Variants in DST observed in about 807,000 individuals in gnomAD.
DST encodes the protein bullous pemphigoid antigen.
In DST, 253 loss-of-function variants were observed where a neutral mutation model predicts 875.2. The ratio of observed to expected loss-of-function variants is 0.29; its 90% CI spans 0.26 to 0.32. The LOEUF (loss-of-function observed/expected upper bound fraction) is 0.32. Among genes scored for constraint, DST ranks in the 10% least tolerant of loss-of-function variants. DST has a pLI of 1.00. For missense variants in DST, 8,287 were observed against 9,111.6 expected (o/e 0.91, Z 3.68); for synonymous variants, 3,124 against 3,197.1 (o/e 0.98, Z 0.77).
At chr6:56,546,397 A>G (rs1162913986) in intron 61 of DST, among the ~76,000 whole-genome samples, 1 of 123,216 alleles carries the variant, frequency 8.1e-6, no homozygotes, top group Non-Finnish European at 1.7e-5. Context: ...TATAAATGTC[A>G]AAAAGTTCAT....
chr6:56,497,899 T>C lies in DST; in HGVS notation c.20051A>G (p.Lys6684Arg), dbSNP rs779809553. 1.2e-6 allele frequency: 2 copies of C among 1,613,102 alleles called. No individual in the cohort carries two copies. Among genetic ancestry groups the C allele is most frequent in the East Asian group, 2.2e-5 (1 of 44,870 alleles). Residue 6684 changes from lysine to arginine, a missense_variant, in exon 81 of 104, where the codon AAA (lysine) becomes AGA (arginine). Transcript: ENST00000680361. ...LNQRWQNVLE[K>R]TEQRKQQLDG... ...CAGCTGCTGCTTCCTTTGTTCTGTT[T>C]TTTCCAAAACATTTTGCCAGCGTTG...
intron 4 of DST, among the ~76,000 whole-genome samples, chr6:56,745,500 T>C (rs1389338372): frequency 6.6e-6 from 1 of 152,106 alleles, no homozygotes; most frequent in African/African-American, 2.4e-5. Context: ...AATAAGACAA[T>C]TCTTAAAACA....
At chr6:56,595,006 G>C (rs546478829) in intron 47 of DST, among the ~76,000 whole-genome samples, 148 of 152,288 alleles carry the variant, frequency 9.7e-4, no homozygotes, top group African/African-American at 3.3e-3. Flanking sequence ...AAGCAGGGAG[G>C]CATCAGGTAG....
chr6:56,900,890 AAGG>A (rs1793749436), intron 2 of DST, among the ~76,000 whole-genome samples: 1 of 151,778 alleles, frequency 6.6e-6, no homozygotes. Context: ...AAAAAAAAAA[AAGG>A]AGGGAAAAAA....
intron 69 of DST, among the ~76,000 whole-genome samples, chr6:56,523,725 C>T (rs1172557090): frequency 2.0e-5 from 3 of 152,114 alleles, no homozygotes; most frequent in African/African-American, 7.2e-5. Flanking sequence ...TCTAATTTAA[C>T]TCTCCCTGAT....
chr6:56,871,536 C>G, intron 3 of DST: 1 of 1,274,284 alleles, frequency 7.8e-7, no homozygotes, highest in Non-Finnish European at 1.1e-6. Flanking sequence ...GGTCATTGAG[C>G]ATATCCAAAT....
chr6:56,700,226 C>A (rs1052239077), intron 8 of DST, among the ~76,000 whole-genome samples: 2 of 152,142 alleles, frequency 1.3e-5, no homozygotes, highest in African/African-American at 4.8e-5. Flanking sequence ...GCTGAAACAA[C>A]CCCCACTCCT....
At chr6:56,576,429 T>C (rs1236120203) in intron 50 of DST, among the ~76,000 whole-genome samples, 1 of 152,116 alleles carries the variant, frequency 6.6e-6, no homozygotes, top group Non-Finnish European at 1.5e-5. Flanking sequence ...TTGTGATTGG[T>C]ATCTGAAGTG....
chr6:56,903,925 A>T (rs1429681955), intron 2 of DST, among the ~76,000 whole-genome samples: 1 of 152,228 alleles, frequency 6.6e-6, no homozygotes. Flanking sequence ...TATACTACAC[A>T]GACTCTGCAG....
intron 57 of DST, 28 bp from the exon 58 acceptor site, chr6:56,560,451 A>T: frequency 2.6e-6 from 4 of 1,565,736 alleles, no homozygotes; most frequent in Non-Finnish European, 3.5e-6. Context: ...ATAATAAATC[A>T]TGTGTACAGC....
intron 4 of DST, among the ~76,000 whole-genome samples, chr6:56,799,666 A>G (rs2099744479): frequency 6.6e-6 from 1 of 150,700 alleles, no homozygotes; most frequent in Non-Finnish European, 1.5e-5. Flanking sequence ...CCTGTTGCCC[A>G]ACTGGAGTGT....
At chr6:56,555,907 G>T in intron 59 of DST, 67 bp from the exon 60 acceptor site, 3 of 1,360,030 alleles carry the variant, frequency 2.2e-6, no homozygotes, top group South Asian at 2.0e-5. Flanking sequence ...CAGATTTGGT[G>T]TCCAAACAGA....
intron 69 of DST, among the ~76,000 whole-genome samples, chr6:56,523,284 C>A (rs747986596): frequency 2.6e-5 from 4 of 152,086 alleles, no homozygotes; most frequent in Non-Finnish European, 5.9e-5. Context: ...ATAACAAATA[C>A]GGCCTTCACA....
Position 56,648,780 on chromosome 6 carries a change from T to C in DST, c.1435-91A>G, listed in dbSNP as rs1008047911. On this transcript the variant is annotated intron_variant, in intron 12 of 103. Transcript: ENST00000680361. Reference sequence around the variant, plus strand: ...TTAGTCAGAAGTCATTCTGTAAATGTATGTATTTGAAGCCTGACAGACAGA... The same window carrying C: ...TTAGTCAGAAGTCATTCTGTAAATGCATGTATTTGAAGCCTGACAGACAGA... 8.0e-6 allele frequency: 9 copies of C among 1,131,750 alleles called. No homozygotes were observed. The East Asian group carries it at 1.1e-4, about 14-fold the overall frequency. The allele number at this position is 1,131,750 out of a possible 1,614,324, so 70.1% of individuals were successfully genotyped here. A position where few individuals can be genotyped will look rare whatever the true frequency, so the allele number is the denominator to read the frequency against.
At chr6:56,871,345 C>A in intron 3 of DST, 4 of 1,029,568 alleles carry the variant, frequency 3.9e-6, no homozygotes, top group South Asian at 1.3e-5. Flanking sequence ...AAAGATGTCA[C>A]TTTACAGAAA....
In DST at chr6:56,616,619, T is replaced by C. The variant is rs1308877176; in HGVS notation, c.4930-2135A>G. 1.2e-6 allele frequency: 2 copies of C among 1,614,172 alleles called. No homozygotes were observed. Among genetic ancestry groups the C allele is most frequent in the Non-Finnish European group, 8.5e-7 (1 of 1,180,036 alleles). On this transcript the variant is annotated intron_variant, in intron 36 of 103. Transcript: ENST00000680361. ...AACTCTTGTGTTGCTGGATGGCTCATGTAAAAACTGTAAGATGGCATTATT... is the reference window on the plus strand; with the variant it reads ...AACTCTTGTGTTGCTGGATGGCTCACGTAAAAACTGTAAGATGGCATTATT...
In DST at chr6:56,604,896, G is replaced by T. The variant is rs751660937; in HGVS notation, c.9732C>A (p.Ser3244Arg). 3 of 1,612,482 alleles carry T rather than the reference G, an allele frequency of 1.9e-6. No homozygotes were observed. The Admixed American group carries it at 5.0e-5, about 27-fold the overall frequency. Residue 3244 changes from serine (S) to arginine (R), a missense_variant, in exon 40 of 104, where the codon AGC (serine) becomes AGA (arginine). Physicochemically the swap from Ser to Arg is moderately radical, Grantham distance 110. Transcript: ENST00000680361. The part of the protein sequence containing the change: ...KDSPLNDMIQ[S>R]NDLCSKESIS... ...TGCTTTCTTTACTACAAAGATCATT[G>T]CTTTGGATCATGTCATTAAGAGGTG...
At chr6:56,916,778 T>TCTCTCACACACACA (rs1470233953) in intron 2 of DST, among the ~76,000 whole-genome samples, 35 of 91,344 alleles carry the variant, frequency 3.8e-4, no homozygotes, top group African/African-American at 1.6e-3. Context: ...TCTCTCTCTC[T>TCTCTCACACACACA]CACACACACA....
At chr6:56,829,431 C>A (rs557982075) in intron 4 of DST, among the ~76,000 whole-genome samples, 72 of 152,242 alleles carry the variant, frequency 4.7e-4, no homozygotes, top group South Asian at 2.9e-3. Context: ...TGATTGAATA[C>A]CATTAATAAA....
Sources: allele counts gnomAD v4.1 joint callset (sites outside exome capture counted in the v4.1 genomes callset), GRCh38; gene constraint gnomAD v4.1.1; transcripts MANE v1.5; gene names NCBI Gene and HGNC (gene_info 2026-07-23, HGNC 2026-07-21).